The following ADGRL2 variants were observed in gnomAD, a reference collection of about 807,000 sequenced individuals.
ADGRL2 encodes the protein calcium-independent alpha-latrotoxin receptor 2.
ADGRL2 carries 44 observed loss-of-function variants against 157.4 expected under a neutral mutation model. The observed-to-expected ratio is 0.28, with a 90% CI of 0.22 to 0.36. The LOEUF (loss-of-function observed/expected upper bound fraction) is 0.36. ADGRL2 is among the 10% of genes least tolerant of loss of function. The probability of loss-of-function intolerance (pLI) is 1.00; values close to 1 mark genes in which losing one functional copy is unlikely to be tolerated. For synonymous variants in ADGRL2, 585 were observed against 624.7 expected, an observed-to-expected ratio of 0.94 and a Z score of 0.95; for missense variants, 1,510 against 1,768.9, an observed-to-expected ratio of 0.85 and a Z score of 2.63.
intron 2 of ADGRL2, among the ~76,000 whole-genome samples, chr1:81,537,011 G>C (rs947290948): frequency 6.6e-6 from 1 of 152,130 alleles, no homozygotes; most frequent in Non-Finnish European, 1.5e-5. Context: ...AGAGAATATT[G>C]CTATGAACTT....
chr1:81,436,417 G>C (rs1399855825), intron 1 of ADGRL2, among the ~76,000 whole-genome samples: 1 of 152,118 alleles, frequency 6.6e-6, no homozygotes, highest in Non-Finnish European at 1.5e-5. Context: ...GTAAATATTA[G>C]TTTTCTTTCC....
chr1:81,551,273 GC>G (rs2080139035), intron 2 of ADGRL2, among the ~76,000 whole-genome samples: 2 of 152,096 alleles, frequency 1.3e-5, no homozygotes, highest in African/African-American at 4.8e-5. Flanking sequence ...CTAAAGACTA[GC>G]CCTGACACCA....
chr1:81,640,632 A>AAAATAAATAAATAAATAAAT (rs3045494), intron 3 of ADGRL2, among the ~76,000 whole-genome samples: 11 of 139,584 alleles, frequency 7.9e-5, no homozygotes, highest in Non-Finnish European at 1.2e-4. Flanking sequence ...CTCCATCTCA[A>AAAATAAATAAATAAATAAAT]AAATAAATAA....
At chr1:81,411,364 A>T (rs1005833055) in intron 1 of ADGRL2, among the ~76,000 whole-genome samples, 1 of 152,222 alleles carries the variant, frequency 6.6e-6, no homozygotes, top group Non-Finnish European at 1.5e-5. Flanking sequence ...ATGATGAAAC[A>T]AACCTTTGGG....
At chr1:81,786,302 G>A (rs1012217517) in intron 2 of ADGRL2, among the ~76,000 whole-genome samples, 12 of 152,134 alleles carry the variant, frequency 7.9e-5, no homozygotes, top group African/African-American at 2.4e-4. Context: ...ATTTAGCCAG[G>A]TACAATGGCT....
chr1:81,335,309 A>G (rs1661556960), intron 1 of ADGRL2, among the ~76,000 whole-genome samples: 1 of 152,204 alleles, frequency 6.6e-6, no homozygotes, highest in South Asian at 2.1e-4. Flanking sequence ...TTACAGATGA[A>G]ATTGGAAAGC....
intron 19 of ADGRL2, among the ~76,000 whole-genome samples, chr1:81,984,138 A>C (rs1211736960): frequency 6.6e-6 from 1 of 152,078 alleles, no homozygotes; most frequent in Non-Finnish European, 1.5e-5. Flanking sequence ...GTATTGACCT[A>C]CCTAAGAGGA....
intron 1 of ADGRL2, among the ~76,000 whole-genome samples, chr1:81,315,606 CTT>C (rs1178140101): frequency 6.6e-6 from 1 of 152,062 alleles, no homozygotes; most frequent in Admixed American, 6.6e-5. Context: ...TTCTTCCACT[CTT>C]TTTAAAAGAT....
intron 19 of ADGRL2, 41 bp downstream of exon 19, chr1:81,982,017 C>G: frequency 1.3e-6 from 2 of 1,514,558 alleles, no homozygotes; most frequent in Non-Finnish European, 1.8e-6. Flanking sequence ...GTTACTCATT[C>G]TTTGATTTGA....
chr1:81,985,107 T>G (rs1048657378), intron 20 of ADGRL2, 152 bp from the exon 21 acceptor site: 1 of 498,224 alleles, frequency 2.0e-6, no homozygotes, highest in Non-Finnish European at 3.6e-6. Context: ...CAATAGATAT[T>G]GTTAGTTTTA....
At chr1:81,328,013 C>G (rs917682724) in intron 1 of ADGRL2, among the ~76,000 whole-genome samples, 1 of 152,054 alleles carries the variant, frequency 6.6e-6, no homozygotes, top group South Asian at 2.1e-4. Flanking sequence ...AACCTGCAGG[C>G]CTTTGAAACA....
intron 2 of ADGRL2, among the ~76,000 whole-genome samples, chr1:81,469,463 T>C (rs1218598207): frequency 6.6e-6 from 1 of 152,216 alleles, no homozygotes; most frequent in Non-Finnish European, 1.5e-5. Flanking sequence ...TTATTTTCCC[T>C]TTTATACTCT....
intron 2 of ADGRL2, among the ~76,000 whole-genome samples, chr1:81,550,903 A>G (rs760541915): frequency 3.3e-5 from 5 of 152,120 alleles, no homozygotes; most frequent in Admixed American, 1.3e-4. Flanking sequence ...AAGGGAATCT[A>G]GAGTCAAAAC....
intron 1 of ADGRL2, among the ~76,000 whole-genome samples, chr1:81,405,306 TATTA>T (rs1412031130): frequency 6.6e-6 from 1 of 152,134 alleles, no homozygotes; most frequent in Non-Finnish European, 1.5e-5. Flanking sequence ...AATGATTCCG[TATTA>T]ATTTAGAATT....
intron 2 of ADGRL2, among the ~76,000 whole-genome samples, chr1:81,468,710 G>A (rs1032544725): frequency 6.6e-6 from 1 of 152,192 alleles, no homozygotes; most frequent in African/African-American, 2.4e-5. Flanking sequence ...TGCATATCCT[G>A]TGTGTAGCTC....
intron 20 of ADGRL2, 52 bp downstream of exon 20, chr1:81,984,763 A>T: frequency 6.3e-7 from 1 of 1,589,566 alleles, no homozygotes; most frequent in Non-Finnish European, 8.6e-7. Flanking sequence ...TAGAAAACCT[A>T]CTGAGACATG....
At chr1:81,520,606 A>C (rs1340550196) in intron 2 of ADGRL2, among the ~76,000 whole-genome samples, 2 of 152,100 alleles carry the variant, frequency 1.3e-5, no homozygotes, top group Admixed American at 6.6e-5. Context: ...TGGTTTTATA[A>C]GTGTTTGACA....
At chr1:81,938,530 A>G (rs2095342340) in intron 4 of ADGRL2, among the ~76,000 whole-genome samples, 1 of 151,726 alleles carries the variant, frequency 6.6e-6, no homozygotes, top group Admixed American at 6.6e-5. Context: ...TGTGCACTAA[A>G]CTTGCAAATA....
At chr1:81,374,097 A>G (rs1054145918) in intron 1 of ADGRL2, among the ~76,000 whole-genome samples, 2 of 152,092 alleles carry the variant, frequency 1.3e-5, no homozygotes, top group Non-Finnish European at 1.5e-5. Context: ...ACACACAAAC[A>G]CCCTTATGAA....
Sources: gnomAD v4.1 joint callset for allele counts (sites outside exome capture counted in the v4.1 genomes callset) on GRCh38, gnomAD v4.1.1 for gene constraint, MANE v1.5 for transcripts, NCBI Gene and HGNC (gene_info 2026-07-23, HGNC 2026-07-21) for gene names.